HECTD4: variants seen among roughly 807,000 people sequenced by gnomAD.
HECTD4 encodes the protein HECT domain E3 ubiquitin protein ligase 4, also known as probable E3 ubiquitin-protein ligase HECTD4.
In HECTD4, 114 loss-of-function variants were observed where a neutral mutation model predicts 471.5. The observed-to-expected ratio is 0.24, with a 90% CI of 0.21 to 0.28. The LOEUF (loss-of-function observed/expected upper bound fraction) is 0.28. HECTD4 is among the 10% of genes least tolerant of loss of function. The probability of loss-of-function intolerance (pLI) is 1.00; values close to 1 mark genes in which losing one functional copy is unlikely to be tolerated. For synonymous variants in HECTD4, 2,012 were observed against 2,256.0 expected, an observed-to-expected ratio of 0.89 and a Z score of 3.07; for missense variants, 3,866 against 5,651.5, an observed-to-expected ratio of 0.68 and a Z score of 10.13.
chr12:112,167,636 G>A, intron 71 of HECTD4, 98 bp from the exon 72 acceptor site: 1 of 1,110,294 alleles, frequency 9.0e-7, no homozygotes, highest in South Asian at 1.5e-5. Flanking sequence ...GCAGGCAGGA[G>A]AGAAGTCACT....
rs767465036 is a variant in HECTD4, at chr12:112,264,157, T to C, written c.2675A>G (p.Asn892Ser). ...LMAVQNHLLSNTILIKPDEND... is the reference protein window; with the variant it reads ...LMAVQNHLLSSTILIKPDEND... ...CTCATCAGGTTTAATCAAAATAGTGTTACTGAGAAGGTGATTCTGAACTGC... is the reference window on the plus strand; with the variant it reads ...CTCATCAGGTTTAATCAAAATAGTGCTACTGAGAAGGTGATTCTGAACTGC... The change falls in exon 17 of 76, where the codon AAC becomes AGC. Residue 892 changes from asparagine (N) to serine (S), a missense_variant. Physicochemically the swap from Asn to Ser is conservative, Grantham distance 46 (BLOSUM62 1). Coordinates refer to ENST00000682272, the MANE Select transcript of HECTD4 (RefSeq NM_001388303.1). 1 of 1,607,168 alleles carries C rather than the reference T, an allele frequency of 6.2e-7. No individual in the cohort carries two copies. The highest frequency in any genetic ancestry group is 8.5e-7 in the Non-Finnish European group (1 of 1,176,690).
rs1019491705 is a variant in HECTD4, at chr12:112,184,319, C to A, written c.10647G>T (p.Leu3549=). 1 of 1,613,188 alleles carries A rather than the reference C, an allele frequency of 6.2e-7. No individual in the cohort carries two copies. The highest frequency in any genetic ancestry group is 1.7e-5 in the Admixed American group (1 of 60,016). The part of the protein sequence containing the change: ...SLCSTGSLGS[L]GSLGEPLDNA... ...TGTCCAGGGGCTCCCCCAGGCTGCC[C>A]AGGCTGCCCAGGCTGCCGGTGCTGC... The change falls in exon 61 of 76, where the codon CTG becomes CTT. Residue 3549 remains leucine, a synonymous_variant. Transcript: ENST00000682272. The surrounding 1 kb of genome is among the most constrained non-coding windows in gnomAD (Gnocchi z 9.1).
intron 8 of HECTD4, among the ~76,000 whole-genome samples, chr12:112,280,784 CTTTTTT>C (rs569956040): frequency 8.7e-6 from 1 of 115,244 alleles, no homozygotes; most frequent in Non-Finnish European, 1.8e-5. Flanking sequence ...GGAATAAAAA[CTTTTTT>C]TTTTTTTTTT....
At chr12:112,204,055 T>A (rs2032505386) in intron 53 of HECTD4, among the ~76,000 whole-genome samples, 1 of 152,180 alleles carries the variant, frequency 6.6e-6, no homozygotes, top group Non-Finnish European at 1.5e-5. Flanking sequence ...TTTTTGTTTG[T>A]TTTTTGAGAC....
chr12:112,229,096 G>A (rs2033311667), intron 41 of HECTD4, among the ~76,000 whole-genome samples: 1 of 152,110 alleles, frequency 6.6e-6, no homozygotes, highest in Non-Finnish European at 1.5e-5. Flanking sequence ...GGAGGTTGAG[G>A]CAGGTGGATC....
rs544826672 is a variant in HECTD4 at position 112,192,837 on chromosome 12, C to T, written c.9087-72G>A. On this transcript the variant is annotated intron_variant, in intron 58 of 75. Coordinates refer to ENST00000682272, the MANE Select transcript of HECTD4 (RefSeq NM_001388303.1). The stretch of plus-strand genomic sequence containing the variant: ...ACATGGGGACAGGCAGCTTTGCCTT[C>T]TCACCAGGGGACGTTAGATGAGAAC... 45 of 1,350,704 alleles carry T rather than the reference C, an allele frequency of 3.3e-5. 3 individuals are homozygous for T. Among genetic ancestry groups the T allele is most frequent in the South Asian group, 2.8e-5 (2 of 72,432 alleles). The allele number at this position is 1,350,704 out of a possible 1,614,324, so 83.7% of individuals were successfully genotyped here. A position where few individuals can be genotyped will look rare whatever the true frequency, so the allele number is the denominator to read the frequency against.
chr12:112,355,287 CAAAAA>C (rs1310033896), intron 1 of HECTD4, among the ~76,000 whole-genome samples: 9 of 111,422 alleles, frequency 8.1e-5, no homozygotes, highest in South Asian at 3.5e-4. Context: ...AAATGGGATT[CAAAAA>C]AAAAAAAAAA....
chr12:112,256,295 C>A, intron 21 of HECTD4, 25 bp downstream of exon 21: 1 of 1,491,014 alleles, frequency 6.7e-7, no homozygotes. Flanking sequence ...GAGGTGGAAC[C>A]AATAGTAACC....
At chr12:112,314,320 A>T (rs2035436732) in intron 3 of HECTD4, 137 bp downstream of exon 3, 1 of 465,786 alleles carries the variant, frequency 2.1e-6, no homozygotes, top group East Asian at 3.3e-5. Flanking sequence ...ATTCTTAAGA[A>T]GGTAAATATG....
At chr12:112,352,914 A>T (rs754269585) in intron 1 of HECTD4, among the ~76,000 whole-genome samples, 3 of 152,186 alleles carry the variant, frequency 2.0e-5, no homozygotes, top group African/African-American at 2.4e-5. Flanking sequence ...GCCCAACATA[A>T]GTGTTTTAAA....
intron 50 of HECTD4, 63 bp from the exon 51 acceptor site, chr12:112,208,693 C>T: frequency 6.8e-7 from 1 of 1,462,930 alleles, no homozygotes; most frequent in Non-Finnish European, 9.1e-7. Context: ...TCCTTAACTT[C>T]TCACCCTTAG....
chr12:112,170,037 C>T, intron 69 of HECTD4: 1 of 542,368 alleles, frequency 1.8e-6, no homozygotes, highest in Non-Finnish European at 3.3e-6. Flanking sequence ...TCTCCCTTTC[C>T]TTTGATGCTG....
chr12:112,176,887 A>G (rs1464095263), intron 64 of HECTD4, among the ~76,000 whole-genome samples, 185 bp from the exon 65 acceptor site: 2 of 152,248 alleles, frequency 1.3e-5, no homozygotes, highest in East Asian at 3.8e-4. Flanking sequence ...GCAAATTACA[A>G]GGACATATCC....
At chr12:112,254,297 T>A in intron 21 of HECTD4, 135 bp from the exon 22 acceptor site, 1 of 1,092,116 alleles carries the variant, frequency 9.2e-7, no homozygotes, top group Non-Finnish European at 1.3e-6. Flanking sequence ...ATAACTAATA[T>A]TTCCCGATTT....
intron 17 of HECTD4, chr12:112,261,664 C>T (rs78163730): frequency 5.2e-4 from 206 of 397,090 alleles, no homozygotes; most frequent in African/African-American, 3.5e-3. Flanking sequence ...GACAGAAATA[C>T]GCAGTATTTC....
intron 2 of HECTD4, among the ~76,000 whole-genome samples, chr12:112,317,403 T>C (rs1488522343): frequency 6.6e-6 from 1 of 152,126 alleles, no homozygotes; most frequent in Non-Finnish European, 1.5e-5. Context: ...TTTGAAACTA[T>C]ACAGAGAAAA....
intron 62 of HECTD4, among the ~76,000 whole-genome samples, chr12:112,181,490 A>G (rs1374662806): frequency 6.6e-6 from 1 of 151,824 alleles, no homozygotes. Context: ...GTTTTTTTTT[A>G]AAGATGGGGT....
In HECTD4 at chr12:112,164,226, T is replaced by C; in HGVS notation, c.12584A>G (p.Gln4195Arg). The C allele has an allele frequency of 6.2e-7, 1 of 1,613,734 alleles. No individual in the cohort carries two copies. Among genetic ancestry groups the C allele is most frequent in the Non-Finnish European group, 8.5e-7 (1 of 1,179,850 alleles). Residue 4195 changes from glutamine to arginine, a missense_variant, in exon 73 of 76, where the codon CAG becomes CGG. Physicochemically the swap from Gln to Arg is conservative, Grantham distance 43 (BLOSUM62 1). Coordinates refer to ENST00000682272, the MANE Select transcript of HECTD4 (RefSeq NM_001388303.1). ...GTCAGGGCTCTCCGTGGCCAGGTGC[T>C]GGGAGGCGATCTCAGCGCACAGGGC... ...LEALCAEIAS[Q>R]HLATESPDSP... is the part of the protein sequence containing the mutation.
chr12:112,302,386 C>T, intron 7 of HECTD4: 1 of 754,000 alleles, frequency 1.3e-6, no homozygotes, highest in Admixed American at 1.8e-5. Flanking sequence ...CCAGCTTAAG[C>T]AGTTGAGTAA....
Sources: gnomAD v4.1 joint callset for allele counts (sites outside exome capture counted in the v4.1 genomes callset) on GRCh38, gnomAD v4.1.1 for gene constraint, Gnocchi (gnomAD v3.1) non-coding constraint, MANE v1.5 for transcripts, NCBI Gene and HGNC (gene_info 2026-07-23, HGNC 2026-07-21) for gene names.